Variants in CSMD1 observed in about 807,000 individuals in gnomAD.
The protein encoded by CSMD1 is CUB and Sushi multiple domains 1.
A neutral mutation model predicts 417.5 loss-of-function variants in CSMD1; 213 were observed. The observed-to-expected ratio is 0.51, with a 90% CI of 0.46 to 0.57. The LOEUF is 0.57. Among genes scored for constraint, CSMD1 ranks in the 20% least tolerant of loss-of-function variants. The pLI, the probability that CSMD1 is intolerant of heterozygous loss-of-function variation, is 0.00. For missense variants in CSMD1, 6,923 were observed against 4,529.7 expected, an observed-to-expected ratio of 1.53 and a Z score of -15.17; for synonymous variants, 2,862 against 1,736.8, an observed-to-expected ratio of 1.65 and a Z score of -16.11.
chr8:4,214,955 T>C (rs77797687), intron 3 of CSMD1, among the ~76,000 whole-genome samples: 4 of 152,178 alleles, frequency 2.6e-5, no homozygotes, highest in African/African-American at 9.7e-5. Flanking sequence ...CGAAGCTCAC[T>C]TCACGTGAGA....
intron 1 of CSMD1, among the ~76,000 whole-genome samples, chr8:4,970,511 C>T (rs536755779): frequency 6.6e-6 from 1 of 151,996 alleles, no homozygotes; most frequent in African/African-American, 2.4e-5. Context: ...ATAGAGGTTT[C>T]TTCTTAAACT....
chr8:3,204,385 C>A (rs568410741), intron 31 of CSMD1, among the ~76,000 whole-genome samples: 1 of 142,376 alleles, frequency 7.0e-6, no homozygotes, highest in South Asian at 2.3e-4. Context: ...GGGAATACTG[C>A]TGAGCATTTA....
At chr8:4,521,252 T>C (rs1803428610) in intron 2 of CSMD1, among the ~76,000 whole-genome samples, 1 of 152,146 alleles carries the variant, frequency 6.6e-6, no homozygotes, top group African/African-American at 2.4e-5. Flanking sequence ...AGTCATAGTG[T>C]CATGGGGTCA....
rs75869420 is a variant in CSMD1, at chr8:3,716,745, G to A, written c.932-8254C>T. ...TCCAGCCCCTATTCAAGATGGAGTT[G>A]CTCTGGTTCAAACGCCTCTTGACAA... On this transcript the variant is annotated intron_variant, in intron 6 of 69. Coordinates refer to ENST00000635120, the MANE Select transcript of CSMD1 (RefSeq NM_033225.6). Among the ~76,000 whole-genome samples the A allele has an allele frequency of 9.3e-4, 141 of 152,240 alleles. 2 individuals carry two copies. The East Asian group carries it at 0.012, about 13-fold the overall frequency.
chr8:3,197,360 G>C (rs370928279), intron 33 of CSMD1, among the ~76,000 whole-genome samples: 1 of 152,218 alleles, frequency 6.6e-6, no homozygotes, highest in East Asian at 1.9e-4. Flanking sequence ...AAGACATAAA[G>C]TCTGTGTGCA....
At chr8:4,462,011 G>C (rs1799865849) in intron 2 of CSMD1, among the ~76,000 whole-genome samples, 1 of 152,002 alleles carries the variant, frequency 6.6e-6, no homozygotes, top group Non-Finnish European at 1.5e-5. Flanking sequence ...AAATTGCTGG[G>C]ATTACAGGCT....
At chr8:3,220,066 G>A (rs1271275654) in intron 28 of CSMD1, among the ~76,000 whole-genome samples, 2 of 147,734 alleles carry the variant, frequency 1.4e-5, no homozygotes, top group Non-Finnish European at 3.0e-5. Flanking sequence ...GATCACTTGA[G>A]GCCAGGAGTC....
At chr8:3,503,050 A>C (rs935041684) in intron 10 of CSMD1, among the ~76,000 whole-genome samples, 1 of 152,208 alleles carries the variant, frequency 6.6e-6, no homozygotes, top group Non-Finnish European at 1.5e-5. Context: ...AACTGCTCTA[A>C]AAATAAAACC....
chr8:4,516,910 AAT>A (rs1339555873), intron 2 of CSMD1, among the ~76,000 whole-genome samples: 1 of 152,128 alleles, frequency 6.6e-6, no homozygotes, highest in Non-Finnish European at 1.5e-5. Context: ...TTTTTATAAG[AAT>A]ATGAATCTCA....
intron 5 of CSMD1, among the ~76,000 whole-genome samples, chr8:3,807,215 C>G (rs1214780251): frequency 6.6e-6 from 1 of 152,184 alleles, no homozygotes; most frequent in African/African-American, 2.4e-5. Context: ...GAAGCCAGGA[C>G]ATTGATAAAC....
At position 3,972,962 on chromosome 8, in the gene CSMD1, CACAAT is replaced by C. The variant is rs368751792; in HGVS notation, c.818+24936_818+24940del. On this transcript the variant is annotated intron_variant, in intron 5 of 69. Transcript: ENST00000635120. ...GAAATAAAATGAAATAAAAATTACTCACAATACTTATGTGGAAAAACATTTACTGC... is the reference window on the plus strand; with the variant it reads ...GAAATAAAATGAAATAAAAATTACTCACTTATGTGGAAAAACATTTACTGC... 1.8e-3 allele frequency among the ~76,000 whole-genome samples: 280 copies of C among 152,274 alleles called. 1 individual carries two copies. The highest frequency in any genetic ancestry group is 1.9e-3 in the Non-Finnish European group (130 of 68,020).
At chr8:3,129,884 C>A (rs1331859137) in intron 41 of CSMD1, among the ~76,000 whole-genome samples, 1 of 151,842 alleles carries the variant, frequency 6.6e-6, no homozygotes, top group Non-Finnish European at 1.5e-5. Flanking sequence ...AGCTATTCAG[C>A]ATGGGAGAAT....
intron 20 of CSMD1, among the ~76,000 whole-genome samples, chr8:3,361,664 A>AC (rs1809186336): frequency 1.3e-5 from 2 of 150,250 alleles, no homozygotes; most frequent in African/African-American, 4.9e-5. Context: ...AAAAAAAAAA[A>AC]AAAAAAAACA....
chr8:3,604,541 A>G (rs1395987179), intron 8 of CSMD1, among the ~76,000 whole-genome samples: 1 of 152,228 alleles, frequency 6.6e-6, no homozygotes, highest in African/African-American at 2.4e-5. Flanking sequence ...CAACCGAGAT[A>G]TCAGTGTATG....
intron 36 of CSMD1, among the ~76,000 whole-genome samples, chr8:3,187,350 C>G (rs1796122391): frequency 6.6e-6 from 1 of 152,142 alleles, no homozygotes; most frequent in Non-Finnish European, 1.5e-5. Flanking sequence ...ATTTGGAGAG[C>G]AGACTCGTCA....
intron 1 of CSMD1, among the ~76,000 whole-genome samples, chr8:4,897,470 G>A (rs1042095648): frequency 6.6e-6 from 1 of 152,014 alleles, no homozygotes; most frequent in African/African-American, 2.4e-5. Flanking sequence ...TATCTTTAAG[G>A]AGTGGTTTGG....
chr8:4,129,062 GA>G (rs1802934590), intron 3 of CSMD1, among the ~76,000 whole-genome samples: 4 of 120,910 alleles, frequency 3.3e-5, no homozygotes, highest in African/African-American at 1.3e-4. Context: ...GTTACAGAGT[GA>G]GAGTCCAACT....
chr8:4,676,467 C>T (rs775970856), intron 1 of CSMD1, among the ~76,000 whole-genome samples: 1 of 152,112 alleles, frequency 6.6e-6, no homozygotes, highest in African/African-American at 2.4e-5. Context: ...CTATCTTCAA[C>T]TCTCCTTCAA....
chr8:4,560,025 T>C (rs17344378), intron 2 of CSMD1, among the ~76,000 whole-genome samples: 1 of 152,136 alleles, frequency 6.6e-6, no homozygotes, highest in Non-Finnish European at 1.5e-5. Context: ...GAAATGCAGT[T>C]GACAGACAGC....
Sources: gnomAD v4.1 joint callset for allele counts (sites outside exome capture counted in the v4.1 genomes callset) on GRCh38, gnomAD v4.1.1 for gene constraint, MANE v1.5 for transcripts, NCBI Gene and HGNC (gene_info 2026-07-23, HGNC 2026-07-21) for gene names.